The following ESR1 variants were observed in gnomAD, a reference collection of about 807,000 sequenced individuals.
ESR1 encodes estrogen receptor.
ESR1 carries 12 observed loss-of-function variants against 52.7 expected under a neutral mutation model. That is an observed-to-expected ratio of 0.23 (90% CI 0.15 to 0.37). ESR1 has a LOEUF of 0.37. ESR1 is among the 10% of genes least tolerant of loss of function. ESR1 has a pLI of 1.00. For missense variants in ESR1, 584 were observed against 779.7 expected, an observed-to-expected ratio of 0.75 and a Z score of 2.99; for synonymous variants, 305 against 316.8, an observed-to-expected ratio of 0.96 and a Z score of 0.39.
chr6:151,873,540 G>C (rs71575909), intron 2 of ESR1, among the ~76,000 whole-genome samples: 1 of 152,106 alleles, frequency 6.6e-6, no homozygotes, highest in African/African-American at 2.4e-5. Flanking sequence ...CTCAGGCCTG[G>C]GCAGTTGCTG....
chr6:151,690,138 G>C (rs1423067382), upstream of ESR1, among the ~76,000 whole-genome samples: 1 of 152,188 alleles, frequency 6.6e-6, no homozygotes, highest in Non-Finnish European at 1.5e-5. Flanking sequence ...ACTCACAGAA[G>C]ATATTTCCTT....
chr6:151,780,074 AAGTGGGTGAGTTCCATAATG>A (rs933163297), intron 2 of ESR1, among the ~76,000 whole-genome samples: 15 of 152,194 alleles, frequency 9.9e-5, no homozygotes, highest in African/African-American at 3.1e-4. Flanking sequence ...TCTCACTCAC[AAGTGGGTGAGTTCCATAATG>A]AGTGGGTGAG....
intron 6 of ESR1, among the ~76,000 whole-genome samples, chr6:152,068,552 A>C (rs752738984): frequency 1.1e-4 from 17 of 152,162 alleles, no homozygotes; most frequent in Admixed American, 2.6e-4. Flanking sequence ...CCAAGACTAA[A>C]ATTTGTGACC....
At chr6:151,678,902 G>A (rs1418610447) in intron 1 of ESR1, among the ~76,000 whole-genome samples, 1 of 151,962 alleles carries the variant, frequency 6.6e-6, no homozygotes, top group Non-Finnish European at 1.5e-5. Context: ...GACCAGGATG[G>A]TCTTGATCTC....
chr6:151,762,827 A>AGTGGC (rs1205153038), intron 2 of ESR1, among the ~76,000 whole-genome samples: 1 of 152,066 alleles, frequency 6.6e-6, no homozygotes, highest in Non-Finnish European at 1.5e-5. Context: ...AGCTGGGCAT[A>AGTGGC]GTGGCGTGTG....
chr6:152,025,205 CTT>C (rs144645557), intron 5 of ESR1, among the ~76,000 whole-genome samples: 2,595 of 127,408 alleles, frequency 0.02, 47 homozygotes, highest in African/African-American at 0.045. Context: ...CTTCATCACG[CTT>C]TTTTTTTTTT....
chr6:152,126,574 T>C (rs2053527974), exon 7 of ESR1: 2 of 152,168 alleles, frequency 1.3e-5, no homozygotes, highest in South Asian at 2.1e-4. Flanking sequence ...ATATATCAGA[T>C]AGTTCTGTCC....
chr6:152,006,992 G>T (rs1358777507), intron 4 of ESR1, among the ~76,000 whole-genome samples: 2 of 151,974 alleles, frequency 1.3e-5, no homozygotes, highest in Non-Finnish European at 2.9e-5. Flanking sequence ...AATTACTGTA[G>T]TGCTTACTTT....
intron 3 of ESR1, among the ~76,000 whole-genome samples, chr6:151,895,549 G>C (rs1795363348): frequency 6.6e-6 from 1 of 152,172 alleles, no homozygotes; most frequent in Non-Finnish European, 1.5e-5. Context: ...TTATTACAGT[G>C]AGGTACCTTG....
chr6:151,748,068 G>T (rs994011436), intron 2 of ESR1, among the ~76,000 whole-genome samples: 3 of 151,884 alleles, frequency 2.0e-5, no homozygotes, highest in Non-Finnish European at 4.4e-5. Context: ...ATGGCTGTAC[G>T]ATTTTACATT....
chr6:152,114,812 AC>A (rs1344391689), intron 6 of ESR1, among the ~76,000 whole-genome samples: 3 of 139,710 alleles, frequency 2.1e-5, no homozygotes, highest in African/African-American at 8.0e-5. Context: ...AATGGCGTGA[AC>A]CCGGGAGGCG....
intron 4 of ESR1, among the ~76,000 whole-genome samples, chr6:152,010,067 G>A (rs1233629833): frequency 6.6e-6 from 1 of 152,246 alleles, no homozygotes. Context: ...CCTCAAGATA[G>A]AATTGATGAG....
At chr6:151,920,379 GT>G (rs936556237) in intron 3 of ESR1, among the ~76,000 whole-genome samples, 2 of 151,710 alleles carry the variant, frequency 1.3e-5, no homozygotes, top group Non-Finnish European at 2.9e-5. Context: ...TAGTAAGAGA[GT>G]TCTCATATAT....
chr6:151,784,855 T>C (rs996610751), intron 2 of ESR1, among the ~76,000 whole-genome samples: 2 of 152,254 alleles, frequency 1.3e-5, no homozygotes, highest in Admixed American at 1.3e-4. Context: ...GCTGGTGCAA[T>C]TGCAGAGGTT....
intron 4 of ESR1, among the ~76,000 whole-genome samples, chr6:152,002,053 T>A (rs538463552): frequency 6.6e-6 from 1 of 152,096 alleles, no homozygotes; most frequent in Admixed American, 6.6e-5. Context: ...CTTGTAAAAC[T>A]CCCGTTTCGA....
intron 4 of ESR1, among the ~76,000 whole-genome samples, chr6:151,972,558 A>G (rs1237658636): frequency 6.6e-6 from 1 of 152,200 alleles, no homozygotes; most frequent in Non-Finnish European, 1.5e-5. Flanking sequence ...AAATCACATG[A>G]GCATCTCAAT....
chr6:151,787,543 C>G (rs1787140556), intron 2 of ESR1, among the ~76,000 whole-genome samples: 1 of 151,940 alleles, frequency 6.6e-6, no homozygotes, highest in African/African-American at 2.4e-5. Flanking sequence ...TGTAGTTCTT[C>G]TTGTAGAGAA....
At chr6:151,847,857 G>A (rs1352445099) in intron 2 of ESR1, among the ~76,000 whole-genome samples, 3 of 151,578 alleles carry the variant, frequency 2.0e-5, no homozygotes, top group Non-Finnish European at 2.9e-5. Context: ...TTTCTTCTAG[G>A]GTTTTTATGG....
rs2128958927 is a variant in ESR1 at position 152,061,154 on chromosome 6, C to T, written c.1369+30C>T. On this transcript the variant is annotated intron_variant, in intron 6 of 7. Coordinates refer to ENST00000206249, the MANE Select transcript of ESR1 (RefSeq NM_000125.4). This position sits in a 1 kb window ranked among gnomAD's most constrained non-coding sequence, Gnocchi z 4.3. The stretch of plus-strand genomic sequence containing the variant: ...GTTGATAACACAAGATAACTCAATG[C>T]TGGATGAAATGTTTATTTGTAGTTT... 2 of 1,607,242 alleles carry T rather than the reference C, an allele frequency of 1.2e-6. No individual in the cohort carries two copies. The highest frequency in any genetic ancestry group is 1.7e-6 in the Non-Finnish European group (2 of 1,173,992).
Sources: gnomAD v4.1 joint callset for allele counts (sites outside exome capture counted in the v4.1 genomes callset) on GRCh38, gnomAD v4.1.1 for gene constraint, Gnocchi (gnomAD v3.1) non-coding constraint, MANE v1.5 for transcripts, NCBI Gene and HGNC (gene_info 2026-07-23, HGNC 2026-07-21) for gene names.